FBP1: variants seen among roughly 807,000 people sequenced by gnomAD.
FBP1 encodes the protein fructose-1,6-bisphosphatase 1.
FBP1 carries 22 observed loss-of-function variants against 29.9 expected under a neutral mutation model. The observed-to-expected ratio is 0.74, with a 90% confidence interval of 0.53 to 1.05. The LOEUF is 1.05. Ranked by LOEUF, FBP1 falls within the 50% of genes least tolerant of loss-of-function variation. The pLI is 0.00. For missense variants in FBP1, 345 were observed against 448.2 expected (o/e 0.77, Z 2.08); for synonymous variants, 175 against 178.6 (o/e 0.98, Z 0.16).
intron 2 of FBP1, among the ~76,000 whole-genome samples, chr9:94,618,320 TAG>T (rs1236272122): frequency 6.6e-6 from 1 of 151,754 alleles, no homozygotes; most frequent in East Asian, 1.9e-4. Context: ...TTGGGGTGCA[TAG>T]AGTTTTCAAA....
intron 1 of FBP1, among the ~76,000 whole-genome samples, chr9:94,622,773 G>A (rs995236777): frequency 1.3e-5 from 2 of 152,090 alleles, no homozygotes; most frequent in African/African-American, 2.4e-5. Flanking sequence ...CTGGGCTTTC[G>A]ATCCTATTTC....
At chr9:94,639,031 G>T in intron 1 of FBP1, 110 bp downstream of exon 1, 1 of 1,099,630 alleles carries the variant, frequency 9.1e-7, no homozygotes, top group Non-Finnish European at 1.3e-6. Context: ...ACATCAGACG[G>T]ACAGACAGAG....
chr9:94,634,845 C>T lies in FBP1; in HGVS notation c.170+4296G>A, dbSNP rs540731653. Among the ~76,000 whole-genome samples the T allele has an allele frequency of 3.3e-5, 5 of 152,158 alleles. No homozygotes were observed. The South Asian group carries it at 1.0e-3, about 32-fold the overall frequency. ...GGCGCAGTGGCTCACACTTCTAATC[C>T]CAGCACTTTGGGAGGCCGAGGCAGG... On this transcript the variant is annotated intron_variant, in intron 1 of 6. Coordinates refer to ENST00000375326, the MANE Select transcript of FBP1 (RefSeq NM_000507.4).
At chr9:94,606,030 T>A (rs1286905407) in intron 5 of FBP1, among the ~76,000 whole-genome samples, 1 of 151,874 alleles carries the variant, frequency 6.6e-6, no homozygotes, top group Non-Finnish European at 1.5e-5. Context: ...GGGACTCGGG[T>A]GTGCGTGTGC....
Position 94,606,843 on chromosome 9 carries a change from T to C in FBP1, c.677A>G (p.Glu226Gly), listed in dbSNP as rs753567568. ...GGGGAACTTCTTCCTCTGGATGTAC[T>C]CAGTGACGGCAGGGTCAAAGTCCCT... ...YARDFDPAVT[E>G]YIQRKKFPPD... The change falls in exon 5 of 7, where the codon GAG (glutamate) becomes GGG (glycine). Residue 226 changes from glutamate (E) to glycine (G), a missense_variant. By Grantham distance (98) the Glu-to-Gly change is moderately conservative (BLOSUM62 -2). Transcript: ENST00000375326. 5 of 1,613,964 alleles carry C rather than the reference T, an allele frequency of 3.1e-6. No homozygotes were observed. The South Asian group carries it at 5.5e-5, about 18-fold the overall frequency.
chr9:94,620,734 AG>A (rs1827934363), intron 1 of FBP1, among the ~76,000 whole-genome samples: 1 of 152,162 alleles, frequency 6.6e-6, no homozygotes, highest in South Asian at 2.1e-4. Flanking sequence ...AGACACAGGG[AG>A]GGGAACATCA....
At chr9:94,636,588 T>C (rs1828193880) in intron 1 of FBP1, among the ~76,000 whole-genome samples, 1 of 152,036 alleles carries the variant, frequency 6.6e-6, no homozygotes, top group African/African-American at 2.4e-5. Context: ...CTAAGGTTAC[T>C]TAGACAGTGG....
intron 3 of FBP1, among the ~76,000 whole-genome samples, chr9:94,610,727 G>C (rs560580681): frequency 6.6e-6 from 1 of 152,208 alleles, no homozygotes; most frequent in Non-Finnish European, 1.5e-5. Flanking sequence ...TTAGAACGTG[G>C]CATGTGCCGT....
At chr9:94,627,469 C>CA (rs749883669) in intron 1 of FBP1, among the ~76,000 whole-genome samples, 14 of 152,204 alleles carry the variant, frequency 9.2e-5, no homozygotes, top group Non-Finnish European at 1.3e-4. Flanking sequence ...CAATCACCAC[C>CA]TAGAGAGGGC....
chr9:94,627,155 T>C (rs1309993205), intron 1 of FBP1, among the ~76,000 whole-genome samples: 1 of 145,532 alleles, frequency 6.9e-6, no homozygotes, highest in African/African-American at 2.6e-5. Context: ...GCAATTGCAC[T>C]CCAGCCTGGG....
intron 4 of FBP1, among the ~76,000 whole-genome samples, chr9:94,609,453 C>T (rs911340961): frequency 6.6e-6 from 1 of 152,198 alleles, no homozygotes; most frequent in African/African-American, 2.4e-5. Flanking sequence ...TAGTGTTGCA[C>T]ACATGCAGAA....
At chr9:94,627,689 C>T (rs564022889) in intron 1 of FBP1, among the ~76,000 whole-genome samples, 8 of 152,316 alleles carry the variant, frequency 5.3e-5, no homozygotes, top group African/African-American at 1.2e-4. Flanking sequence ...AACTACCCTC[C>T]GTGGGACTCG....
chr9:94,633,987 T>C (rs1828151628), intron 1 of FBP1, among the ~76,000 whole-genome samples: 1 of 150,492 alleles, frequency 6.6e-6, no homozygotes, highest in Non-Finnish European at 1.5e-5. Context: ...ATTACAGGCG[T>C]GAGCCACCGC....
chr9:94,609,776 G>T, intron 4 of FBP1, 145 bp downstream of exon 4: 1 of 918,764 alleles, frequency 1.1e-6, no homozygotes, highest in Non-Finnish European at 1.8e-6. Flanking sequence ...TTGGTCTCCT[G>T]CCCCCTTTCC....
chr9:94,616,501 T>C lies in FBP1; in HGVS notation c.426+1267A>G, dbSNP rs1418822201. ...TGTTGCCCAGGCTGGAGTGCAGTGG[T>C]GTGATCTCGGCTCACTGCAACCTCC... On this transcript the variant is annotated intron_variant, in intron 3 of 6. Coordinates refer to ENST00000375326, the MANE Select transcript of FBP1 (RefSeq NM_000507.4). 3.3e-5 allele frequency among the ~76,000 whole-genome samples: 5 copies of C among 151,560 alleles called. No homozygotes were observed. The East Asian group carries it at 7.8e-4, about 23-fold the overall frequency.
At chr9:94,614,044 G>T (rs1827826565) in intron 3 of FBP1, among the ~76,000 whole-genome samples, 3 of 148,796 alleles carry the variant, frequency 2.0e-5, no homozygotes, top group African/African-American at 7.4e-5. Flanking sequence ...TCGTGCTACT[G>T]CACTCCAGCC....
At position 94,610,002 on chromosome 9, in the gene FBP1, T is replaced by C; in HGVS notation, c.486A>G (p.Ala162=). The change falls in exon 4 of 7, where the codon GCA becomes GCG. Residue 162 remains alanine, a synonymous_variant. Coordinates refer to ENST00000375326, the MANE Select transcript of FBP1 (RefSeq NM_000507.4). ...DALQPGRNLV[A]AGYALYGSAT... is the part of the protein sequence containing the mutation. ...CACTGCCATACAGTGCGTAGCCGGC[T>C]GCCACCAGGTTCCGGCCTGGTTGCA... The C allele has an allele frequency of 6.2e-7, 1 of 1,614,238 alleles. No homozygotes were observed. Among genetic ancestry groups the C allele is most frequent in the South Asian group, 1.1e-5 (1 of 91,084 alleles).
intron 3 of FBP1, among the ~76,000 whole-genome samples, chr9:94,613,947 G>A: frequency 6.6e-6 from 1 of 151,220 alleles, no homozygotes; most frequent in East Asian, 2.0e-4. Context: ...CAAGCGTGGT[G>A]GCGGGCGCCT....
intron 3 of FBP1, among the ~76,000 whole-genome samples, chr9:94,613,631 G>C (rs576203583): frequency 6.9e-4 from 105 of 152,208 alleles, no homozygotes; most frequent in African/African-American, 2.4e-3. Flanking sequence ...AGCCAGGTGT[G>C]GTGGTGCACC....
Sources: gnomAD v4.1 joint callset for allele counts (sites outside exome capture counted in the v4.1 genomes callset) on GRCh38, gnomAD v4.1.1 for gene constraint, MANE v1.5 for transcripts, NCBI Gene and HGNC (gene_info 2026-07-23, HGNC 2026-07-21) for gene names.